CDH18: variants seen among roughly 807,000 people sequenced by gnomAD.
CDH18 encodes the protein cadherin 18.
Under a neutral mutation model 67.9 loss-of-function variants are expected in CDH18, and 31 were observed. That is an observed-to-expected ratio of 0.46 (90% CI 0.34 to 0.62). CDH18 has a LOEUF of 0.62. Among genes scored for constraint, CDH18 ranks in the 20% least tolerant of loss-of-function variants. CDH18 has a pLI of 0.01. For missense variants in CDH18, 890 were observed against 975.5 expected, an observed-to-expected ratio of 0.91 and a Z score of 1.17; for synonymous variants, 362 against 347.2, an observed-to-expected ratio of 1.04 and a Z score of -0.48.
intron 5 of CDH18, among the ~76,000 whole-genome samples, chr5:19,719,849 GAA>G (rs1227685800): frequency 7.0e-6 from 1 of 143,366 alleles, no homozygotes; most frequent in Admixed American, 7.0e-5. Context: ...TAAGGTAAAA[GAA>G]AGAGAGAAAG....
At chr5:19,965,130 TTA>T (rs1404557531) in intron 2 of CDH18, among the ~76,000 whole-genome samples, 1 of 152,172 alleles carries the variant, frequency 6.6e-6, no homozygotes. Flanking sequence ...ATTTTGTAGT[TTA>T]TATGTTTTCT....
At chr5:20,554,046 C>T (rs1757777878) in intron 1 of CDH18, among the ~76,000 whole-genome samples, 1 of 152,128 alleles carries the variant, frequency 6.6e-6, no homozygotes, top group Non-Finnish European at 1.5e-5. Context: ...CTTTAGGAAT[C>T]TCACTCCTCC....
chr5:19,988,430 C>T (rs796853940), upstream of CDH18, among the ~76,000 whole-genome samples: 7 of 152,094 alleles, frequency 4.6e-5, no homozygotes, highest in African/African-American at 1.7e-4. Context: ...CCACAGCAAG[C>T]AAAACGGACA....
intron 5 of CDH18, among the ~76,000 whole-genome samples, chr5:19,623,044 T>C (rs1750957464): frequency 6.6e-6 from 1 of 152,214 alleles, no homozygotes; most frequent in Non-Finnish European, 1.5e-5. Context: ...CATGTCCTCT[T>C]GCCTTCCTCT....
At chr5:20,292,340 G>C (rs979855909) in intron 1 of CDH18, among the ~76,000 whole-genome samples, 2 of 152,180 alleles carry the variant, frequency 1.3e-5, no homozygotes, top group African/African-American at 4.8e-5. Flanking sequence ...TTTGAGGATA[G>C]AGAGCTGCTG....
intron 2 of CDH18, among the ~76,000 whole-genome samples, chr5:20,090,725 G>C (rs1432175401): frequency 6.6e-6 from 1 of 150,972 alleles, no homozygotes; most frequent in South Asian, 2.1e-4. Context: ...TTATTAAAAA[G>C]AAAAGAAAAA....
chr5:19,817,316 A>T (rs1779397176), intron 3 of CDH18, among the ~76,000 whole-genome samples: 1 of 151,982 alleles, frequency 6.6e-6, no homozygotes, highest in Non-Finnish European at 1.5e-5. Context: ...CTCTAGTGAT[A>T]GCTATCAAAA....
chr5:19,846,072 T>C (rs562156637), intron 2 of CDH18, among the ~76,000 whole-genome samples: 1 of 152,198 alleles, frequency 6.6e-6, no homozygotes, highest in Admixed American at 6.5e-5. Flanking sequence ...CTTGTAGCTA[T>C]TTTTATCCCT....
At chr5:19,706,284 A>G (rs1763950422) in intron 5 of CDH18, among the ~76,000 whole-genome samples, 1 of 152,214 alleles carries the variant, frequency 6.6e-6, no homozygotes, top group Non-Finnish European at 1.5e-5. Context: ...AGGACTTTTG[A>G]CTGCAGGGAA....
At chr5:20,011,438 C>T (rs1024177838) in intron 2 of CDH18, among the ~76,000 whole-genome samples, 2 of 152,042 alleles carry the variant, frequency 1.3e-5, no homozygotes, top group African/African-American at 2.4e-5. Flanking sequence ...TATTTGAATG[C>T]CCTTTATTTC....
At chr5:19,997,802 T>G (rs1736130801) in intron 2 of CDH18, among the ~76,000 whole-genome samples, 1 of 152,290 alleles carries the variant, frequency 6.6e-6, no homozygotes, top group South Asian at 2.1e-4. Context: ...CATAATGCAA[T>G]ACTATCATAA....
chr5:20,241,848 T>C (rs1476729365), intron 2 of CDH18, among the ~76,000 whole-genome samples: 2 of 73,536 alleles, frequency 2.7e-5, no homozygotes, highest in African/African-American at 8.3e-5. Flanking sequence ...GGAGACCCTG[T>C]CGCAAAAAAA....
chr5:20,408,327 C>T lies in CDH18; in HGVS notation c.-579-152822G>A, dbSNP rs545461076. On this transcript the variant is annotated intron_variant, in intron 1 of 14. Coordinates refer to the CDH18 transcript ENST00000507958. ...GCATGATAGCCTACCAAGTATAAAACTCATTGGTAGAGGTAAAAATATAGA... is the reference window on the plus strand; with the variant it reads ...GCATGATAGCCTACCAAGTATAAAATTCATTGGTAGAGGTAAAAATATAGA... Among the ~76,000 whole-genome samples, 4 of 152,118 alleles carry T rather than the reference C, an allele frequency of 2.6e-5. No individual in the cohort carries two copies. The East Asian group carries it at 7.7e-4, about 29-fold the overall frequency.
chr5:20,136,767 G>A (rs889755274), intron 2 of CDH18, among the ~76,000 whole-genome samples: 1 of 152,050 alleles, frequency 6.6e-6, no homozygotes, highest in Non-Finnish European at 1.5e-5. Context: ...TTCAGGAGCT[G>A]TTGTAAGGCA....
chr5:19,612,558 T>C lies in CDH18; in HGVS notation c.687A>G (p.Arg229=). Residue 229 remains arginine, a synonymous_variant, in exon 6 of 13, where the codon AGA becomes AGG. Transcript: ENST00000382275. ...CTTGAATGACTACGGAGTAATGTTC[T>C]CTGGCTTCTCTGTCCATGTTATGTA... The part of the protein sequence containing the change: ...TALHNMDREA[R]EHYSVVIQAK... The C allele has an allele frequency of 6.2e-7, 1 of 1,613,998 alleles. No homozygotes were observed. The highest frequency in any genetic ancestry group is 8.5e-7 in the Non-Finnish European group (1 of 1,179,894).
chr5:19,577,598 T>C (rs6882981), intron 7 of CDH18, among the ~76,000 whole-genome samples: 2,119 of 152,242 alleles, frequency 0.014, 42 homozygotes, highest in African/African-American at 0.049. Flanking sequence ...CCACACCTGA[T>C]TAAGATAATG....
chr5:20,321,847 A>G (rs531779987), intron 1 of CDH18, among the ~76,000 whole-genome samples: 74 of 152,314 alleles, frequency 4.9e-4, no homozygotes, highest in Non-Finnish European at 7.5e-4. Flanking sequence ...TAATTTACTT[A>G]TTATCAAGCA....
chr5:19,474,667 C>A (rs1361455987), intron 12 of CDH18, among the ~76,000 whole-genome samples: 1 of 152,120 alleles, frequency 6.6e-6, no homozygotes, highest in African/African-American at 2.4e-5. Flanking sequence ...AATGTGATTT[C>A]TCGCATCACA....
At chr5:19,475,111 T>C (rs1378194311) in intron 12 of CDH18, among the ~76,000 whole-genome samples, 6 of 151,986 alleles carry the variant, frequency 3.9e-5, no homozygotes, top group Admixed American at 3.9e-4. Context: ...TACATTCGAT[T>C]GACATTTAAG....
Sources: allele counts gnomAD v4.1 joint callset (sites outside exome capture counted in the v4.1 genomes callset), GRCh38; gene constraint gnomAD v4.1.1; transcripts MANE v1.5; gene names NCBI Gene and HGNC (gene_info 2026-07-23, HGNC 2026-07-21).